Variants in GOT1 observed in about 807,000 individuals in gnomAD.
GOT1 encodes the protein aspartate aminotransferase, cytoplasmic.
A neutral mutation model predicts 48.2 loss-of-function variants in GOT1; 25 were observed. The ratio of observed to expected loss-of-function variants is 0.52; its 90% CI spans 0.38 to 0.72. The LOEUF (loss-of-function observed/expected upper bound fraction) is 0.72, where lower values mean the gene tolerates loss of function less well. Among genes scored for constraint, GOT1 ranks in the 30% least tolerant of loss-of-function variants. The pLI, the probability that GOT1 is intolerant of heterozygous loss-of-function variation, is 0.00. For missense variants in GOT1, 380 were observed against 520.1 expected (o/e 0.73, Z 2.62); for synonymous variants, 188 against 193.8 (o/e 0.97, Z 0.25).
chr10:99,416,293 C>T (rs2032893887), intron 2 of GOT1, among the ~76,000 whole-genome samples: 3 of 151,358 alleles, frequency 2.0e-5, no homozygotes, highest in Admixed American at 6.6e-5. Context: ...TCTTATACAC[C>T]AATAACAGAC....
chr10:99,420,566 T>G (rs2032952933), intron 2 of GOT1, 58 bp downstream of exon 2: 1 of 1,297,160 alleles, frequency 7.7e-7, no homozygotes, highest in South Asian at 1.3e-5. Context: ...AACTGTATTC[T>G]CAACATCTTT....
Position 99,403,395 on chromosome 10 carries a change from C to G in GOT1, c.959+74G>C, listed in dbSNP as rs908382397. On this transcript the variant is annotated intron_variant, in intron 7 of 8. Transcript: ENST00000370508. ...TTCTGCCAAAATGAAAGGAAGAGAC[C>G]CAGTTAAATGTACTGGGACAATTAC... The G allele has an allele frequency of 6.8e-6, 8 of 1,178,164 alleles. No homozygotes were observed. In the Admixed American group the frequency reaches 1.8e-4, roughly 26 times the overall value. 73.0% of individuals were successfully genotyped at this position (1,178,164 alleles called of 1,614,324 possible). A position where few individuals can be genotyped will look rare whatever the true frequency, so the allele number is the denominator to read the frequency against.
At chr10:99,416,574 C>T (rs1006599530) in intron 2 of GOT1, among the ~76,000 whole-genome samples, 6 of 152,174 alleles carry the variant, frequency 3.9e-5, no homozygotes, top group African/African-American at 7.2e-5. Flanking sequence ...ACTTTCTTCA[C>T]GGAATTGGGA....
chr10:99,400,494 C>T (rs2032658626), intron 8 of GOT1, among the ~76,000 whole-genome samples: 1 of 151,294 alleles, frequency 6.6e-6, no homozygotes, highest in Admixed American at 6.6e-5. Flanking sequence ...AAAAATTAGC[C>T]GGGCATGGTG....
chr10:99,416,050 C>CT, intron 2 of GOT1, among the ~76,000 whole-genome samples: 1 of 152,122 alleles, frequency 6.6e-6, no homozygotes, highest in East Asian at 1.9e-4. Context: ...GATGTCCTCT[C>CT]TCACCACTCC....
At chr10:99,422,617 T>A (rs965252420) in intron 1 of GOT1, among the ~76,000 whole-genome samples, 1 of 152,200 alleles carries the variant, frequency 6.6e-6, no homozygotes, top group Non-Finnish European at 1.5e-5. Context: ...ATTCTTATCC[T>A]CTATCTACCT....
At chr10:99,426,245 C>T (rs958240913) in intron 1 of GOT1, among the ~76,000 whole-genome samples, 1 of 152,188 alleles carries the variant, frequency 6.6e-6, no homozygotes, top group Non-Finnish European at 1.5e-5. Context: ...GCTCTTCTTC[C>T]TGGACATAAA....
Position 99,430,568 on chromosome 10 carries a change from C to G in GOT1, c.-3G>C. The G allele has an allele frequency of 1.3e-6, 2 of 1,592,566 alleles. No homozygotes were observed. The highest frequency in any genetic ancestry group is 8.6e-7 in the Non-Finnish European group (1 of 1,167,896). Reference sequence around the variant, plus strand: ...GCAAAGACTGACGGAGGTGCCATATCGAGAGACTAGGAATCAAGAGATTTC... The same window carrying G: ...GCAAAGACTGACGGAGGTGCCATATGGAGAGACTAGGAATCAAGAGATTTC... On this transcript the variant is annotated 5_prime_UTR_variant, in exon 1 of 9. Coordinates refer to ENST00000370508, the MANE Select transcript of GOT1 (RefSeq NM_002079.3).
At position 99,430,499 on chromosome 10, in the gene GOT1, C is replaced by T. The variant is rs761720482; in HGVS notation, c.67G>A (p.Ala23Thr). The T allele has an allele frequency of 1.9e-6, 3 of 1,612,578 alleles. No individual in the cohort carries two copies. Among genetic ancestry groups the T allele is most frequent in the Non-Finnish European group, 2.5e-6 (3 of 1,179,056 alleles). Residue 23 changes from alanine to threonine, a missense_variant, in exon 1 of 9, where the codon GCC becomes ACC. Ala to Thr is a moderately conservative substitution (Grantham distance 58). Coordinates refer to ENST00000370508, the MANE Select transcript of GOT1 (RefSeq NM_002079.3). ...AQPVLVFKLT[A>T]DFREDPDPRK... ...GGGTCCGGATCCTCCCTGAAGTCGG[C>T]AGTGAGCTTGAAGACCAGGACAGGC...
intron 2 of GOT1, 45 bp downstream of exon 2, chr10:99,420,579 A>C (rs1564973938): frequency 1.4e-6 from 2 of 1,390,622 alleles, no homozygotes; most frequent in Admixed American, 3.9e-5. Context: ...ACATCTTTTT[A>C]CTTTCAGTTT....
intron 1 of GOT1, chr10:99,430,097 A>G (rs538523723): frequency 9.4e-5 from 42 of 444,690 alleles, no homozygotes; most frequent in Non-Finnish European, 1.8e-4. Flanking sequence ...CCCTAAGCCT[A>G]TCAGGCTTCC....
chr10:99,418,061 A>AAAT (rs1554947821), intron 2 of GOT1, among the ~76,000 whole-genome samples: 20 of 149,140 alleles, frequency 1.3e-4, no homozygotes, highest in African/African-American at 4.9e-4. Context: ...TAAAAAAAAA[A>AAAT]ATATATATAT....
intron 1 of GOT1, chr10:99,430,231 G>T: frequency 7.3e-7 from 1 of 1,376,702 alleles, no homozygotes; most frequent in Non-Finnish European, 9.9e-7. Flanking sequence ...CCTGGTTTGT[G>T]CGGCCTCGGA....
chr10:99,411,826 C>T lies in GOT1; in HGVS notation c.301-4977G>A, dbSNP rs549533122. 3.5e-4 allele frequency among the ~76,000 whole-genome samples: 54 copies of T among 152,180 alleles called. No homozygotes were observed. The South Asian group carries it at 0.01, about 29-fold the overall frequency. ...CCAAACCTTTGGAACCTGAGGTACC[C>T]GGATAGGAGCCAAATGCTGAAAATC... On this transcript the variant is annotated intron_variant, in intron 2 of 8. Transcript: ENST00000370508.
At chr10:99,401,666 CAA>C (rs1308973026) in intron 8 of GOT1, among the ~76,000 whole-genome samples, 2 of 140,552 alleles carry the variant, frequency 1.4e-5, no homozygotes. Context: ...GACTCCATCT[CAA>C]AAAAAAAAAG....
chr10:99,424,249 A>G (rs1455916334), intron 1 of GOT1, among the ~76,000 whole-genome samples: 1 of 152,202 alleles, frequency 6.6e-6, no homozygotes. Context: ...TTGAAAGTCA[A>G]TTATTTTTCG....
At chr10:99,404,461 A>G (rs1367237958) in intron 5 of GOT1, among the ~76,000 whole-genome samples, 1 of 152,052 alleles carries the variant, frequency 6.6e-6, no homozygotes, top group African/African-American at 2.4e-5. Context: ...CTGGACTCCT[A>G]ACTCTGCAGC....
intron 2 of GOT1, among the ~76,000 whole-genome samples, chr10:99,418,322 T>A (rs773929656): frequency 2.0e-5 from 3 of 152,024 alleles, no homozygotes; most frequent in Non-Finnish European, 4.4e-5. Context: ...TGGAGATCAA[T>A]GGGCAGAGGA....
At chr10:99,411,526 TC>T in intron 2 of GOT1, among the ~76,000 whole-genome samples, 1 of 152,268 alleles carries the variant, frequency 6.6e-6, no homozygotes, top group Non-Finnish European at 1.5e-5. Flanking sequence ...CATTTCTATT[TC>T]TATCATAACC....
Sources: gnomAD v4.1 joint callset for allele counts (sites outside exome capture counted in the v4.1 genomes callset) on GRCh38, gnomAD v4.1.1 for gene constraint, MANE v1.5 for transcripts, NCBI Gene and HGNC (gene_info 2026-07-23, HGNC 2026-07-21) for gene names.